Variants in DNAH9 observed in about 807,000 individuals in gnomAD.
DNAH9 encodes the protein dynein axonemal heavy chain 9, also known as DNAH9 variant protein.
A neutral mutation model predicts 471.6 loss-of-function variants in DNAH9; 345 were observed. That is an observed-to-expected ratio of 0.73 (90% confidence interval 0.67 to 0.80). The LOEUF is 0.80. DNAH9 is among the 30% of genes least tolerant of loss of function. The pLI, the probability that DNAH9 is intolerant of heterozygous loss-of-function variation, is 0.00. For synonymous variants in DNAH9, 2,093 were observed against 2,123.6 expected, an observed-to-expected ratio of 0.99 and a Z score of 0.40; for missense variants, 5,407 against 5,609.2, an observed-to-expected ratio of 0.96 and a Z score of 1.15.
chr17:11,906,836 G>A (rs1025823309), intron 61 of DNAH9, among the ~76,000 whole-genome samples: 2 of 151,996 alleles, frequency 1.3e-5, no homozygotes, highest in African/African-American at 4.8e-5. Context: ...TGAGCACAAA[G>A]AGGGGAAGAA....
rs747191057 is a variant in DNAH9 at position 11,881,191 on chromosome 17, T to C, written c.10602-18T>C. 1 of 1,613,678 alleles carries C rather than the reference T, an allele frequency of 6.2e-7. No homozygotes were observed. The highest frequency in any genetic ancestry group is 8.5e-7 in the Non-Finnish European group (1 of 1,179,662). On this transcript the variant is annotated intron_variant, in intron 54 of 68. Transcript: ENST00000262442. ...TGCAGGAAGGCACCTTACCTTCACA[T>C]GAGCCTTTATGTTCCAGATTCATTA...
At chr17:11,655,607 A>G (rs1403072625) in intron 14 of DNAH9, among the ~76,000 whole-genome samples, 2 of 15,122 alleles carry the variant, frequency 1.3e-4, no homozygotes, top group Admixed American at 2.2e-3. Context: ...GTCCCCATGT[A>G]TATATATATA....
chr17:11,678,839 T>C (rs947011433), intron 17 of DNAH9, among the ~76,000 whole-genome samples: 1 of 152,252 alleles, frequency 6.6e-6, no homozygotes, highest in East Asian at 1.9e-4. Flanking sequence ...GTTTGTTCTA[T>C]TTCGTTCTTC....
In DNAH9 at chr17:11,892,096, A is replaced by C. The variant is rs1209591041; in HGVS notation, c.11283+149A>C. ...ATAGAGGCATCAGACAAGAAGGTCCAATGTGGTGTGTGCATCTGCCCCCAC... is the reference window on the plus strand; with the variant it reads ...ATAGAGGCATCAGACAAGAAGGTCCCATGTGGTGTGTGCATCTGCCCCCAC... On this transcript the variant is annotated intron_variant, in intron 58 of 68. Coordinates refer to ENST00000262442, the MANE Select transcript of DNAH9 (RefSeq NM_001372.4). This position sits in a 1 kb window ranked among gnomAD's most constrained non-coding sequence, Gnocchi z 4.3. 3.3e-6 allele frequency: 3 copies of C among 917,672 alleles called. No homozygotes were observed. The South Asian group carries it at 4.9e-5, about 15-fold the overall frequency. 56.8% of individuals were successfully genotyped at this position (917,672 alleles called of 1,614,324 possible).
intron 67 of DNAH9, among the ~76,000 whole-genome samples, chr17:11,956,027 C>T (rs1975621460): frequency 6.6e-6 from 1 of 152,186 alleles, no homozygotes; most frequent in Admixed American, 6.5e-5. Flanking sequence ...ACCTTGCTAG[C>T]AGGCATTTCT....
rs572137474 is a variant in DNAH9, at chr17:11,810,344, G to A, written c.8682G>A (p.Val2894=). ...DAQVADERFL[V]LINDLLASGE... is the part of the protein sequence containing the mutation. Reference sequence around the variant, plus strand: ...AAGTGGCTGATGAGAGGTTCCTTGTGCTCATCAATGATCTTTTGGCATCTG... The same window carrying A: ...AAGTGGCTGATGAGAGGTTCCTTGTACTCATCAATGATCTTTTGGCATCTG... Residue 2894 remains valine, a synonymous_variant, in exon 45 of 69, where the codon GTG becomes GTA. Coordinates refer to ENST00000262442, the MANE Select transcript of DNAH9 (RefSeq NM_001372.4). 1.2e-6 allele frequency: 2 copies of A among 1,612,922 alleles called. No homozygotes were observed. The highest frequency in any genetic ancestry group is 2.2e-5 in the East Asian group (1 of 44,800).
chr17:11,605,447 A>G (rs2072481310), intron 1 of DNAH9, among the ~76,000 whole-genome samples: 1 of 150,664 alleles, frequency 6.6e-6, no homozygotes, highest in African/African-American at 2.4e-5. Flanking sequence ...GTAAATACTC[A>G]TTGAATAAAT....
chr17:11,823,406 A>G (rs536301099), intron 48 of DNAH9, among the ~76,000 whole-genome samples: 1 of 152,184 alleles, frequency 6.6e-6, no homozygotes, highest in East Asian at 1.9e-4. Context: ...CCTCTTTGCA[A>G]TTTCTTCGTT....
chr17:11,768,407 T>G (rs1020044356), intron 36 of DNAH9, 46 bp from the exon 37 acceptor site: 1 of 1,591,096 alleles, frequency 6.3e-7, no homozygotes, highest in African/African-American at 1.3e-5. Flanking sequence ...TGTGGGCTTC[T>G]TGAGTTCTGG....
chr17:11,768,932 G>A (rs1324492730), intron 37 of DNAH9, among the ~76,000 whole-genome samples, 190 bp from the exon 38 acceptor site: 27 of 152,094 alleles, frequency 1.8e-4, no homozygotes, highest in Admixed American at 1.4e-3. Flanking sequence ...GCCTAACTGC[G>A]GGGAGCCCAG....
At chr17:11,843,890 T>TACAC (rs1555607926) in intron 49 of DNAH9, among the ~76,000 whole-genome samples, 2 of 127,230 alleles carry the variant, frequency 1.6e-5, no homozygotes, top group African/African-American at 6.2e-5. Flanking sequence ...TATATATATA[T>TACAC]ACACATAGAG....
At chr17:11,636,213 C>T (rs1323294493) in intron 8 of DNAH9, among the ~76,000 whole-genome samples, 1 of 152,216 alleles carries the variant, frequency 6.6e-6, no homozygotes, top group African/African-American at 2.4e-5. Context: ...ACCAACTTGG[C>T]CAGGCTGGTC....
At chr17:11,764,878 C>T (rs936246613) in intron 36 of DNAH9, among the ~76,000 whole-genome samples, 1 of 151,998 alleles carries the variant, frequency 6.6e-6, no homozygotes, top group Non-Finnish European at 1.5e-5. Context: ...ATACTTTTTT[C>T]CAAACTCATC....
At chr17:11,940,128 T>G (rs1667514924) in intron 66 of DNAH9, among the ~76,000 whole-genome samples, 1 of 152,246 alleles carries the variant, frequency 6.6e-6, no homozygotes, top group Non-Finnish European at 1.5e-5. Context: ...ATTTATTACT[T>G]TTCCAGAAAG....
At chr17:11,726,559 T>C (rs1318987452) in intron 27 of DNAH9, among the ~76,000 whole-genome samples, 1 of 152,216 alleles carries the variant, frequency 6.6e-6, no homozygotes, top group Non-Finnish European at 1.5e-5. Flanking sequence ...GCAAAACTGA[T>C]CACTCAGGAG....
intron 50 of DNAH9, among the ~76,000 whole-genome samples, chr17:11,858,032 C>G (rs563624049): frequency 5.3e-5 from 8 of 152,206 alleles, no homozygotes; most frequent in African/African-American, 1.9e-4. Flanking sequence ...GCAAGAATGG[C>G]CTAATACAGA....
At chr17:11,831,667 G>C (rs990647450) in intron 48 of DNAH9, among the ~76,000 whole-genome samples, 7 of 152,114 alleles carry the variant, frequency 4.6e-5, no homozygotes, top group East Asian at 1.9e-4. Flanking sequence ...TCCTAGAGCT[G>C]CCTGAAGAAA....
intron 41 of DNAH9, among the ~76,000 whole-genome samples, chr17:11,786,715 G>T (rs536154820): frequency 1.3e-5 from 2 of 152,164 alleles, no homozygotes; most frequent in African/African-American, 4.8e-5. Flanking sequence ...GGTAATTCAC[G>T]GTGACAAAAG....
rs1968199715 is a variant in DNAH9 at position 11,771,398 on chromosome 17, G to A, written c.7552+2069G>A. ...CCTGCCTCGGCCTCCCAAAGTGCTG[G>A]GATTACAGGTGTGAGCCACTGCAGC... On this transcript the variant is annotated intron_variant, in intron 38 of 68. Coordinates refer to ENST00000262442, the MANE Select transcript of DNAH9 (RefSeq NM_001372.4). Among the ~76,000 whole-genome samples the A allele has an allele frequency of 3.9e-5, 6 of 152,126 alleles. No homozygotes were observed. The South Asian group carries it at 1.2e-3, about 32-fold the overall frequency.
Sources: allele counts gnomAD v4.1 joint callset (sites outside exome capture counted in the v4.1 genomes callset), GRCh38; gene constraint gnomAD v4.1.1; non-coding constraint Gnocchi (gnomAD v3.1); transcripts MANE v1.5; gene names NCBI Gene and HGNC (gene_info 2026-07-23, HGNC 2026-07-21).